The following PLCH1 variants were observed in gnomAD, a reference collection of about 807,000 sequenced individuals.
The protein encoded by PLCH1 is 1-phosphatidylinositol 4,5-bisphosphate phosphodiesterase eta-1.
PLCH1 carries 60 observed loss-of-function variants against 126.7 expected under a neutral mutation model. The ratio of observed to expected loss-of-function variants is 0.47; its 90% confidence interval spans 0.38 to 0.59. PLCH1 has a LOEUF of 0.59. Among genes scored for constraint, PLCH1 ranks in the 20% least tolerant of loss-of-function variants. The pLI is 0.00. For synonymous variants in PLCH1, 719 were observed against 734.9 expected, an observed-to-expected ratio of 0.98 and a Z score of 0.35; for missense variants, 1,723 against 2,040.0, an observed-to-expected ratio of 0.84 and a Z score of 2.99.
chr3:155,688,782 C>T (rs899723718), intron 2 of PLCH1, among the ~76,000 whole-genome samples: 19 of 152,258 alleles, frequency 1.2e-4, no homozygotes, highest in South Asian at 4.1e-4. Flanking sequence ...CCAGTGGTAG[C>T]GGGTGGCCAC....
At position 155,481,397 on chromosome 3, in the gene PLCH1, G is replaced by C; in HGVS notation, c.4629C>G (p.Ser1543=). ...ALTEQLRKLV[S]FDQEDNCQVL... The stretch of plus-strand genomic sequence containing the variant: ...CTTGGCAGTTGTCTTCCTGGTCAAA[G>C]GACACAAGCTTCCGAAGCTGCTCGG... The change falls in exon 23 of 23, where the codon TCC becomes TCG. Residue 1543 remains serine, a synonymous_variant. Transcript: ENST00000460012. This position sits in a 1 kb window ranked among gnomAD's most constrained non-coding sequence, Gnocchi z 4.2. The C allele has an allele frequency of 6.2e-7, 1 of 1,614,206 alleles. No homozygotes were observed. Among genetic ancestry groups the C allele is most frequent in the South Asian group, 1.1e-5 (1 of 91,084 alleles).
At chr3:155,612,992 C>T (rs1230897192) in intron 2 of PLCH1, among the ~76,000 whole-genome samples, 5 of 142,474 alleles carry the variant, frequency 3.5e-5, no homozygotes, top group East Asian at 2.1e-4. Context: ...TACAGAAATA[C>T]AAAAGATCAT....
At chr3:155,574,287 A>G (rs1214216195) in intron 6 of PLCH1, among the ~76,000 whole-genome samples, 1 of 152,172 alleles carries the variant, frequency 6.6e-6, no homozygotes, top group Admixed American at 6.5e-5. Context: ...GGGTTGGAGG[A>G]GAAAATCTGA....
At chr3:155,488,555 C>T in intron 20 of PLCH1, 105 bp downstream of exon 20, 1 of 979,480 alleles carries the variant, frequency 1.0e-6, no homozygotes, top group Non-Finnish European at 1.5e-6. Context: ...TTACATGACA[C>T]ATATTTTATC....
intron 2 of PLCH1, chr3:155,658,541 T>A (rs984862357): frequency 3.9e-5 from 6 of 152,338 alleles, no homozygotes; most frequent in African/African-American, 1.4e-4. Flanking sequence ...TTGCACATTT[T>A]ACTAAAATAA....
intron 3 of PLCH1, among the ~76,000 whole-genome samples, 192 bp from the exon 4 acceptor site, chr3:155,594,376 G>GA (rs1732642020): frequency 6.6e-6 from 1 of 151,956 alleles, no homozygotes; most frequent in South Asian, 2.1e-4. Context: ...TTCGAGACCA[G>GA]CCTGGGCAAC....
intron 10 of PLCH1, among the ~76,000 whole-genome samples, chr3:155,527,401 G>A (rs1233366639): frequency 1.3e-5 from 2 of 152,082 alleles, no homozygotes; most frequent in African/African-American, 4.8e-5. Context: ...CCTCCATAGG[G>A]CTACCAGCTT....
intron 2 of PLCH1, among the ~76,000 whole-genome samples, chr3:155,644,633 T>C (rs1268345437): frequency 2.0e-5 from 3 of 151,924 alleles, no homozygotes; most frequent in African/African-American, 7.3e-5. Context: ...AAAATAAAAA[T>C]AAAAGTACTA....
chr3:155,726,853 A>G (rs978335392), intron 1 of PLCH1, among the ~76,000 whole-genome samples: 1 of 145,284 alleles, frequency 6.9e-6, no homozygotes, highest in African/African-American at 2.5e-5. Context: ...GCGCCATCCC[A>G]CCCGGCTAAT....
At chr3:155,615,115 G>C (rs1399826847) in intron 2 of PLCH1, among the ~76,000 whole-genome samples, 1 of 152,064 alleles carries the variant, frequency 6.6e-6, no homozygotes, top group Non-Finnish European at 1.5e-5. Flanking sequence ...CTATCAAAAA[G>C]TGGGTAAGGA....
At chr3:155,684,696 C>T (rs1032312351) in intron 2 of PLCH1, among the ~76,000 whole-genome samples, 13 of 152,102 alleles carry the variant, frequency 8.5e-5, no homozygotes, top group Non-Finnish European at 5.9e-5. Context: ...CTGGCTCCTC[C>T]GGTAACAATT....
chr3:155,717,786 C>T (rs551640913), intron 1 of PLCH1, among the ~76,000 whole-genome samples: 2 of 152,216 alleles, frequency 1.3e-5, no homozygotes, highest in African/African-American at 4.8e-5. Flanking sequence ...CTTCAAGGCT[C>T]TTCTACCCTT....
chr3:155,708,982 T>C (rs1746891290), intron 1 of PLCH1, among the ~76,000 whole-genome samples: 1 of 152,252 alleles, frequency 6.6e-6, no homozygotes, highest in South Asian at 2.1e-4. Flanking sequence ...TAATTTTTAC[T>C]GTCTCTATAG....
At chr3:155,617,592 G>T (rs1735949800) in intron 2 of PLCH1, among the ~76,000 whole-genome samples, 1 of 152,120 alleles carries the variant, frequency 6.6e-6, no homozygotes, top group South Asian at 2.1e-4. Flanking sequence ...CCAGAATTTG[G>T]AAACTATTTG....
Position 155,566,219 on chromosome 3 carries a change from GTA to G in PLCH1, c.866-1103_866-1102del, listed in dbSNP as rs1457903325. On this transcript the variant is annotated intron_variant, in intron 7 of 22. Transcript: ENST00000460012. Reference sequence around the variant, plus strand: ...CACATACATATATACACATATATACGTATATATACACATATATATACATATAT... The same window carrying G: ...CACATACATATATACACATATATACGTATATACACATATATATACATATAT... 5.8e-4 allele frequency among the ~76,000 whole-genome samples: 32 copies of G among 54,898 alleles called. 2 individuals are homozygous for G. The highest frequency in any genetic ancestry group is 1.5e-3 in the Admixed American group (8 of 5,230). The allele number at this position is 54,898 out of a possible 152,430, so 36.0% of individuals were successfully genotyped here. A position where few individuals can be genotyped will look rare whatever the true frequency, so the allele number is the denominator to read the frequency against.
intron 2 of PLCH1, among the ~76,000 whole-genome samples, chr3:155,682,132 G>A (rs1227848859): frequency 6.6e-6 from 1 of 152,126 alleles, no homozygotes; most frequent in African/African-American, 2.4e-5. Flanking sequence ...AATAATCTAT[G>A]GGACAAACTG....
intron 10 of PLCH1, among the ~76,000 whole-genome samples, chr3:155,528,192 C>A (rs1475682064): frequency 6.6e-6 from 1 of 150,468 alleles, no homozygotes; most frequent in African/African-American, 2.5e-5. Context: ...CCATTGTACT[C>A]CAGCCTGGGC....
At chr3:155,556,756 C>A (rs1484519363) in intron 8 of PLCH1, among the ~76,000 whole-genome samples, 1 of 152,224 alleles carries the variant, frequency 6.6e-6, no homozygotes, top group Non-Finnish European at 1.5e-5. Context: ...CTCAACACTG[C>A]AACACAGAAA....
At chr3:155,587,721 C>T (rs959505057) in intron 4 of PLCH1, among the ~76,000 whole-genome samples, 2 of 152,196 alleles carry the variant, frequency 1.3e-5, no homozygotes, top group African/African-American at 2.4e-5. Context: ...TTAAAAGATC[C>T]TCAGTGGGAG....
Sources: allele counts gnomAD v4.1 joint callset (sites outside exome capture counted in the v4.1 genomes callset), GRCh38; gene constraint gnomAD v4.1.1; non-coding constraint Gnocchi (gnomAD v3.1); transcripts MANE v1.5; gene names NCBI Gene and HGNC (gene_info 2026-07-23, HGNC 2026-07-21).